Variants in DSC2 observed in about 807,000 individuals in gnomAD.
DSC2 encodes desmocollin-2.
A neutral mutation model predicts 87.6 loss-of-function variants in DSC2; 51 were observed. The ratio of observed to expected loss-of-function variants is 0.58; its 90% CI spans 0.46 to 0.74. DSC2 has a LOEUF of 0.74. DSC2 is among the 30% of genes least tolerant of loss of function. The probability of loss-of-function intolerance (pLI) is 0.00; values close to 1 mark genes in which losing one functional copy is unlikely to be tolerated. For missense variants in DSC2, 1,066 were observed against 1,089.5 expected (o/e 0.98, Z 0.30); for synonymous variants, 383 against 393.2 (o/e 0.97, Z 0.31).
At chr18:31,068,449 G>C in intron 15 of DSC2, 3 of 1,197,888 alleles carry the variant, frequency 2.5e-6, no homozygotes, top group Non-Finnish European at 3.7e-6. Flanking sequence ...GTATACAGGT[G>C]TTCATTTTAC....
chr18:31,102,037 G>C lies in DSC2; in HGVS notation c.-66C>G. 1.5e-6 allele frequency: 2 copies of C among 1,333,504 alleles called. No homozygotes were observed. Among genetic ancestry groups the C allele is most frequent in the Non-Finnish European group, 1.9e-6 (2 of 1,032,352 alleles). 82.6% of individuals were successfully genotyped at this position (1,333,504 alleles called of 1,614,324 possible). On this transcript the variant is annotated 5_prime_UTR_variant, in exon 1 of 16. Transcript: ENST00000280904. ...GGGGTAGGAGGGCTCCGCGGGGCGA[G>C]GGCCGCGGCCGGAGCGCAGTCTGGG...
At chr18:31,074,048 A>C (rs1342296810) in intron 12 of DSC2, among the ~76,000 whole-genome samples, 1 of 152,216 alleles carries the variant, frequency 6.6e-6, no homozygotes, top group Non-Finnish European at 1.5e-5. Flanking sequence ...TGGGCAGCCC[A>C]CATACACTGA....
chr18:31,082,147 A>G (rs1042953748), intron 9 of DSC2, 91 bp downstream of exon 9: 96 of 1,237,324 alleles, frequency 7.8e-5, no homozygotes, highest in Non-Finnish European at 1.1e-4. Flanking sequence ...ATTTTATTCT[A>G]CATTTATCAG....
intron 7 of DSC2, among the ~76,000 whole-genome samples, chr18:31,085,918 T>C (rs1358710401): frequency 1.3e-5 from 2 of 152,196 alleles, no homozygotes; most frequent in African/African-American, 2.4e-5. Context: ...AGACAGAATA[T>C]AGATTTAAAA....
At chr18:31,088,307 A>C (rs1006921244) in intron 5 of DSC2, among the ~76,000 whole-genome samples, 4 of 152,222 alleles carry the variant, frequency 2.6e-5, no homozygotes, top group Non-Finnish European at 5.9e-5. Flanking sequence ...AAGTCTTTTC[A>C]AAGAATTTTT....
Position 31,080,107 on chromosome 18 carries a change from G to T in DSC2, c.1509C>A (p.Ser503Arg). 1 of 1,613,880 alleles carries T rather than the reference G, an allele frequency of 6.2e-7. No homozygotes were observed. The highest frequency in any genetic ancestry group is 1.1e-5 in the South Asian group (1 of 91,076). ...AGAATGGTAAGTACCTTATGCCACT[G>T]CTACTTCTTGTTTCTGGGTCATATG... ...YKAYDPETRS[S>R]SGIRYKKLTD... Residue 503 changes from serine to arginine, a missense_variant, in exon 10 of 16, where the codon AGC becomes AGA. By Grantham distance (110) the Ser-to-Arg change is moderately radical. Coordinates refer to ENST00000280904, the MANE Select transcript of DSC2 (RefSeq NM_024422.6).
At chr18:31,089,909 T>C (rs926006525) in intron 4 of DSC2, among the ~76,000 whole-genome samples, 1 of 152,188 alleles carries the variant, frequency 6.6e-6, no homozygotes, top group African/African-American at 2.4e-5. Flanking sequence ...ATTCTGAGCA[T>C]GGAAAATTAT....
chr18:31,083,088 T>G (rs760860730), intron 7 of DSC2, 28 bp from the exon 8 acceptor site: 1 of 1,602,144 alleles, frequency 6.2e-7, no homozygotes, highest in Admixed American at 1.7e-5. Context: ...ATTTAATTAT[T>G]GGGGGAAAGC....
Position 31,067,626 on chromosome 18 carries a change from G to A in DSC2, c.*389C>T, listed in dbSNP as rs1002885762. The A allele has an allele frequency of 7.3e-5, 16 of 219,558 alleles. No homozygotes were observed. The South Asian group carries it at 7.3e-4, about 10-fold the overall frequency. 13.6% of individuals were successfully genotyped at this position (219,558 alleles called of 1,614,324 possible). On this transcript the variant is annotated 3_prime_UTR_variant, in exon 16 of 16. Coordinates refer to ENST00000280904, the MANE Select transcript of DSC2 (RefSeq NM_024422.6). ...GCACCACATGAACACTTAATTAACT[G>A]GAGATAATGTTAAAGCAAGGTCTCT...
At position 31,082,398 on chromosome 18, in the gene DSC2, G is replaced by A. The variant is rs538663626; in HGVS notation, c.1103C>T (p.Thr368Ile). 17 of 1,613,508 alleles carry A rather than the reference G, an allele frequency of 1.1e-5. No individual in the cohort carries two copies. Among genetic ancestry groups the A allele is most frequent in the Admixed American group, 1.7e-5 (1 of 59,996 alleles). Residue 368 changes from threonine to isoleucine, a missense_variant, in exon 9 of 16, where the codon ACA becomes ATA. Coordinates refer to ENST00000280904, the MANE Select transcript of DSC2 (RefSeq NM_024422.6). The stretch of plus-strand genomic sequence containing the variant: ...AACTCGTAAGATTTCCACATCAACT[G>A]TATTTTCTTCCACTGATGTCACATA... ...TSYVTSVEEN[T>I]VDVEILRVTV...
intron 1 of DSC2, chr18:31,101,700 TC>T: frequency 3.4e-6 from 2 of 586,774 alleles, no homozygotes; most frequent in East Asian, 3.2e-5. Context: ...CACCTTCCCT[TC>T]CCTTGGGGAT....
chr18:31,096,128 T>C (rs1212442836), intron 1 of DSC2, among the ~76,000 whole-genome samples: 1 of 152,222 alleles, frequency 6.6e-6, no homozygotes, highest in Non-Finnish European at 1.5e-5. Flanking sequence ...AGCAGCTTTA[T>C]ATTTGAATGT....
chr18:31,071,313 G>A (rs765788329), intron 13 of DSC2, among the ~76,000 whole-genome samples: 1 of 152,106 alleles, frequency 6.6e-6, no homozygotes, highest in African/African-American at 2.4e-5. Flanking sequence ...TTGAGAGGCC[G>A]AGGTGGGGGG....
In DSC2 at chr18:31,061,571, G is replaced by A. The variant is rs1349553138; in HGVS notation, c.*6444C>T. The A allele has an allele frequency of 2.0e-5, 3 of 152,102 alleles. No homozygotes were observed. Among genetic ancestry groups the A allele is most frequent in the Non-Finnish European group, 2.9e-5 (2 of 68,018 alleles). 9.4% of individuals were successfully genotyped at this position (152,102 alleles called of 1,614,324 possible). A position where few individuals can be genotyped will look rare whatever the true frequency, so the allele number is the denominator to read the frequency against. On this transcript the variant is annotated 3_prime_UTR_variant, in exon 16 of 16. Transcript: ENST00000280904. ...ATTCCTCTATAAAACAAGATTTAGGGTGTGTTCTTTTAAATTAAAGTGCTC... is the reference window on the plus strand; with the variant it reads ...ATTCCTCTATAAAACAAGATTTAGGATGTGTTCTTTTAAATTAAAGTGCTC...
intron 1 of DSC2, among the ~76,000 whole-genome samples, chr18:31,100,165 G>GA (rs1450868552): frequency 6.6e-6 from 1 of 152,198 alleles, no homozygotes; most frequent in African/African-American, 2.4e-5. Context: ...AAAACCAGCA[G>GA]AATGAGAGTG....
In DSC2 at chr18:31,067,793, T is replaced by C; in HGVS notation, c.*222A>G. Reference sequence around the variant, plus strand: ...GACTTTAATTTCTCTGTAGACCTCCTTGGATAGAAGATAAGTAATTTAAAA... The same window carrying C: ...GACTTTAATTTCTCTGTAGACCTCCCTGGATAGAAGATAAGTAATTTAAAA... On this transcript the variant is annotated 3_prime_UTR_variant, in exon 16 of 16. Coordinates refer to ENST00000280904, the MANE Select transcript of DSC2 (RefSeq NM_024422.6). 3 of 524,014 alleles carry C rather than the reference T, an allele frequency of 5.7e-6. No individual in the cohort carries two copies. The highest frequency in any genetic ancestry group is 4.4e-5 in the South Asian group (2 of 45,340). 32.5% of individuals were successfully genotyped at this position (524,014 alleles called of 1,614,324 possible).
At chr18:31,070,663 G>T in intron 14 of DSC2, 63 bp downstream of exon 14, 1 of 1,607,038 alleles carries the variant, frequency 6.2e-7, no homozygotes, top group Non-Finnish European at 8.5e-7. Context: ...GATCATTTTA[G>T]AAGGAATACG....
intron 11 of DSC2, 128 bp downstream of exon 11, chr18:31,079,719 C>G (rs1404660921): frequency 1.9e-6 from 2 of 1,062,630 alleles, no homozygotes; most frequent in Middle Eastern, 2.8e-4. Context: ...AAACCTCTTA[C>G]TTTATATTAT....
rs1210611538 is a variant in DSC2 at position 31,074,675 on chromosome 18, A to T, written c.1888+8T>A. On this transcript the variant is annotated splice_region_variant and intron_variant, in intron 12 of 15. Transcript: ENST00000280904. ...GAAAAGGACAAAGCAATTTTCAAAAATATATACCATTAATTGCTTTCAGTC... is the reference window on the plus strand; with the variant it reads ...GAAAAGGACAAAGCAATTTTCAAAATTATATACCATTAATTGCTTTCAGTC... 9.9e-6 allele frequency: 16 copies of T among 1,613,162 alleles called. No individual in the cohort carries two copies. In the East Asian group the frequency reaches 3.6e-4, roughly 36 times the overall value.
Sources: gnomAD v4.1 joint callset for allele counts (sites outside exome capture counted in the v4.1 genomes callset) on GRCh38, gnomAD v4.1.1 for gene constraint, MANE v1.5 for transcripts, NCBI Gene and HGNC (gene_info 2026-07-23, HGNC 2026-07-21) for gene names.